The following ANXA8 variants were observed in gnomAD, a reference collection of about 807,000 sequenced individuals.
The protein encoded by ANXA8 is VAC-beta.
A neutral mutation model predicts 26.8 loss-of-function variants in ANXA8; 9 were observed. The ratio of observed to expected loss-of-function variants is 0.34; its 90% confidence interval spans 0.20 to 0.59. The LOEUF is 0.59. Ranked by LOEUF, ANXA8 falls within the 20% of genes least tolerant of loss-of-function variation. ANXA8 has a pLI of 0.84. For missense variants in ANXA8, 83 were observed against 238.5 expected, an observed-to-expected ratio of 0.35 and a Z score of 4.29; for synonymous variants, 39 against 94.8, an observed-to-expected ratio of 0.41 and a Z score of 3.42.
At chr10:47,980,357 G>A in the ANXA8 span, among the ~76,000 whole-genome samples, 1 of 151,288 alleles carries the variant, frequency 6.6e-6, no homozygotes, top group South Asian at 2.1e-4. Flanking sequence ...TCCACCTTAA[G>A]AAAGTAGAAA....
chr10:47,968,280 C>G, the ANXA8 span, among the ~76,000 whole-genome samples: 1 of 151,214 alleles, frequency 6.6e-6, no homozygotes, highest in Non-Finnish European at 1.5e-5. Flanking sequence ...GCTGCTGGAA[C>G]TGCCAATAGC....
the ANXA8 span, among the ~76,000 whole-genome samples, chr10:47,744,439 A>AGGGGGGGG: frequency 8.4e-4 from 20 of 23,794 alleles, no homozygotes; most frequent in South Asian, 2.5e-3. Context: ...GGAGGGGGGA[A>AGGGGGGGG]GAGGGGGGGC....
the ANXA8 span, among the ~76,000 whole-genome samples, chr10:47,741,242 A>G: frequency 1.2e-5 from 1 of 81,958 alleles, no homozygotes; most frequent in Non-Finnish European, 2.5e-5. Context: ...AGTCAGATAT[A>G]TGTATTATTG....
the ANXA8 span, among the ~76,000 whole-genome samples, chr10:47,495,569 A>G: frequency 6.7e-5 from 10 of 150,370 alleles, no homozygotes; most frequent in African/African-American, 2.5e-4. Context: ...TACAGGCATG[A>G]GCCACTGCCC....
At chr10:47,657,023 T>C in the ANXA8 span, among the ~76,000 whole-genome samples, 4 of 148,352 alleles carry the variant, frequency 2.7e-5, no homozygotes, top group African/African-American at 9.8e-5. Flanking sequence ...TGGTTCTCTG[T>C]TGACAATACT....
the ANXA8 span, among the ~76,000 whole-genome samples, chr10:47,578,003 C>A: frequency 4.1e-5 from 1 of 24,212 alleles, no homozygotes; most frequent in Non-Finnish European, 9.6e-5. Flanking sequence ...AACTCCACCT[C>A]AAAAAAAAAA....
the ANXA8 span, among the ~76,000 whole-genome samples, chr10:47,534,610 G>T: frequency 8.1e-6 from 1 of 123,180 alleles, no homozygotes; most frequent in African/African-American, 3.1e-5. Flanking sequence ...AGGTATTTTG[G>T]ATATTTTTTA....
chr10:47,572,293 C>G, the ANXA8 span, among the ~76,000 whole-genome samples: 930 of 145,868 alleles, frequency 6.4e-3, 15 homozygotes, highest in African/African-American at 0.023. Context: ...CTCCACCCTT[C>G]TCATCCCCTT....
At chr10:47,549,825 T>C in the ANXA8 span, among the ~76,000 whole-genome samples, 13 of 143,708 alleles carry the variant, frequency 9.0e-5, no homozygotes, top group Non-Finnish European at 1.6e-4. Context: ...AAATATTGGC[T>C]GGGCACAGTG....
At chr10:47,651,283 CAAA>C in the ANXA8 span, among the ~76,000 whole-genome samples, 1,489 of 136,492 alleles carry the variant, frequency 0.011, 3 homozygotes, top group African/African-American at 0.039. Context: ...AAAAAAATCT[CAAA>C]AAAAAAAAAA....
At chr10:47,546,503 T>C in the ANXA8 span, among the ~76,000 whole-genome samples, 4 of 130,926 alleles carry the variant, frequency 3.1e-5, no homozygotes, top group African/African-American at 1.1e-4. Flanking sequence ...CCCGGATTCA[T>C]GCCATTCTTC....
At chr10:47,649,257 A>T in the ANXA8 span, among the ~76,000 whole-genome samples, 1 of 151,192 alleles carries the variant, frequency 6.6e-6, no homozygotes, top group Non-Finnish European at 1.5e-5. Flanking sequence ...TTAGTAATCA[A>T]TGATACATAA....
chr10:47,667,398 T>A, the ANXA8 span, among the ~76,000 whole-genome samples: 7 of 151,974 alleles, frequency 4.6e-5, no homozygotes, highest in Non-Finnish European at 8.8e-5. Flanking sequence ...GCTTGTAGGA[T>A]CTTCCCTTTG....
chr10:47,689,270 C>T, the ANXA8 span, among the ~76,000 whole-genome samples: 1 of 151,562 alleles, frequency 6.6e-6, no homozygotes, highest in African/African-American at 2.4e-5. Flanking sequence ...ACCTCCGCCT[C>T]CTGGGTTCAA....
chr10:47,525,314 G>A, the ANXA8 span, among the ~76,000 whole-genome samples: 1 of 136,722 alleles, frequency 7.3e-6, no homozygotes, highest in Non-Finnish European at 1.5e-5. Flanking sequence ...GCTGAGGCAG[G>A]AGAATCACTG....
At chr10:47,567,215 C>G in the ANXA8 span, among the ~76,000 whole-genome samples, 2 of 118,124 alleles carry the variant, frequency 1.7e-5, no homozygotes, top group African/African-American at 7.4e-5. Flanking sequence ...GTTGACCCGA[C>G]CTGCATGGGG....
At chr10:47,667,638 C>T in the ANXA8 span, among the ~76,000 whole-genome samples, 15 of 152,008 alleles carry the variant, frequency 9.9e-5, no homozygotes, top group East Asian at 5.8e-4. Flanking sequence ...CAACAACCTC[C>T]GCCTCCTGGG....
At chr10:47,670,025 C>G in the ANXA8 span, among the ~76,000 whole-genome samples, 1 of 151,922 alleles carries the variant, frequency 6.6e-6, no homozygotes, top group Non-Finnish European at 1.5e-5. Flanking sequence ...CATTCCCTCC[C>G]TCCCCCAGCC....
the ANXA8 span, among the ~76,000 whole-genome samples, chr10:47,980,207 T>A: frequency 2.0e-5 from 3 of 151,266 alleles, no homozygotes; most frequent in African/African-American, 7.3e-5. Context: ...CAATGAAAAT[T>A]AGAAAATTAT....
Sources: allele counts gnomAD v4.1 joint callset (sites outside exome capture counted in the v4.1 genomes callset), GRCh38; gene constraint gnomAD v4.1.1; transcripts MANE v1.5; gene names NCBI Gene and HGNC (gene_info 2026-07-23, HGNC 2026-07-21).